The following UBXN10 variants were observed in gnomAD, a reference collection of about 807,000 sequenced individuals.
UBXN10 encodes UBX domain protein 10, also known as UBX domain-containing protein 10.
A neutral mutation model predicts 6.9 loss-of-function variants in UBXN10; 6 were observed. That is an observed-to-expected ratio of 0.87 (90% CI 0.48 to 1.72). The LOEUF is 1.72. UBXN10 is among the 40% of genes most tolerant of loss of function. The pLI, the probability that UBXN10 is intolerant of heterozygous loss-of-function variation, is 0.01. For synonymous variants in UBXN10, 131 were observed against 135.2 expected (o/e 0.97, Z 0.21); for missense variants, 317 against 348.4 (o/e 0.91, Z 0.72).
upstream of UBXN10, chr1:20,184,441 T>C (rs2018331530): frequency 6.6e-6 from 1 of 152,218 alleles, no homozygotes; most frequent in Non-Finnish European, 1.5e-5. Flanking sequence ...CTTTTACACA[T>C]TCCGAGGGCC....
Position 20,191,706 on chromosome 1 carries a change from C to T in UBXN10, c.*302C>T. 2.9e-6 allele frequency: 1 copy of T among 338,986 alleles called. No homozygotes were observed. Among genetic ancestry groups the T allele is most frequent in the Non-Finnish European group, 5.7e-6 (1 of 176,918 alleles). 21.0% of individuals were successfully genotyped at this position (338,986 alleles called of 1,614,324 possible). A position where few individuals can be genotyped will look rare whatever the true frequency, so the allele number is the denominator to read the frequency against. On this transcript the variant is annotated 3_prime_UTR_variant, in exon 2 of 2. Transcript: ENST00000375099. This position sits in a 1 kb window ranked among gnomAD's most constrained non-coding sequence, Gnocchi z 4.5. ...CTCCTTTCCAGAGTTTTGGGTCCTT[C>T]TGAATTAATGGTCCTTTTCGAACAC...
rs954213042 is a variant in UBXN10 at position 20,192,958 on chromosome 1, T to C, written c.*1554T>C. The C allele has an allele frequency of 1.8e-5, 3 of 167,140 alleles. No homozygotes were observed. Among genetic ancestry groups the C allele is most frequent in the African/African-American group, 7.2e-5 (3 of 41,484 alleles). The allele number at this position is 167,140 out of a possible 1,614,324, so 10.4% of individuals were successfully genotyped here. A position where few individuals can be genotyped will look rare whatever the true frequency, so the allele number is the denominator to read the frequency against. Reference sequence around the variant, plus strand: ...AGATCATTCTAGAATAGGTTATTTCTGAATGTTTTATAGAATTTCTTAATA... The same window carrying C: ...AGATCATTCTAGAATAGGTTATTTCCGAATGTTTTATAGAATTTCTTAATA... On this transcript the variant is annotated 3_prime_UTR_variant, in exon 2 of 2. Transcript: ENST00000375099.
chr1:20,194,307 C>G lies in UBXN10; in HGVS notation c.*2903C>G, dbSNP rs772852524. Reference sequence around the variant, plus strand: ...AAATTAGTCTTGGCAGCAGAAGGAACAGCAGGAGAAGTAAGTGATTCATCA... The same window carrying G: ...AAATTAGTCTTGGCAGCAGAAGGAAGAGCAGGAGAAGTAAGTGATTCATCA... On this transcript the variant is annotated 3_prime_UTR_variant, in exon 2 of 2. Coordinates refer to ENST00000375099, the MANE Select transcript of UBXN10 (RefSeq NM_152376.5). 1 of 167,130 alleles carries G rather than the reference C, an allele frequency of 6.0e-6. No homozygotes were observed. The highest frequency in any genetic ancestry group is 1.5e-5 in the Non-Finnish European group (1 of 68,148). 10.4% of individuals were successfully genotyped at this position (167,130 alleles called of 1,614,324 possible).
rs904991637 is a variant in UBXN10 at position 20,191,570 on chromosome 1, C to G, written c.*166C>G. 1.2e-5 allele frequency: 13 copies of G among 1,107,276 alleles called. No individual in the cohort carries two copies. The highest frequency in any genetic ancestry group is 1.6e-5 in the Non-Finnish European group (13 of 790,132). The allele number at this position is 1,107,276 out of a possible 1,614,324, so 68.6% of individuals were successfully genotyped here. On this transcript the variant is annotated 3_prime_UTR_variant, in exon 2 of 2. Transcript: ENST00000375099. The surrounding 1 kb of genome is among the most constrained non-coding windows in gnomAD (Gnocchi z 4.5). ...GTCCTCTGAAGCAGTGAAGTCTGTGCCTATGCCGAGCGCGCTAAGAAGTCT... is the reference window on the plus strand; with the variant it reads ...GTCCTCTGAAGCAGTGAAGTCTGTGGCTATGCCGAGCGCGCTAAGAAGTCT...
chr1:20,191,809 T>TG lies in UBXN10; in HGVS notation c.*405_*406insG. ...CTGTATTTGATGCAGGATTAAACAC[T>TG]TCCCAGAGAGGATTCTAGTCTGGTA... On this transcript the variant is annotated 3_prime_UTR_variant, in exon 2 of 2. Coordinates refer to ENST00000375099, the MANE Select transcript of UBXN10 (RefSeq NM_152376.5). This position sits in a 1 kb window ranked among gnomAD's most constrained non-coding sequence, Gnocchi z 4.5. 1 of 192,956 alleles carries TG rather than the reference T, an allele frequency of 5.2e-6. No individual in the cohort carries two copies. Among genetic ancestry groups the TG allele is most frequent in the Non-Finnish European group, 1.2e-5 (1 of 83,188 alleles). The allele number at this position is 192,956 out of a possible 1,614,324, so 12.0% of individuals were successfully genotyped here.
In UBXN10 at chr1:20,193,391, T is replaced by A. The variant is rs1229050090; in HGVS notation, c.*1987T>A. ...TGGGGTTGGGAAAAAGTGGAAGGCATAAGCATAGAAATATTTTAGGATATT... is the reference window on the plus strand; with the variant it reads ...TGGGGTTGGGAAAAAGTGGAAGGCAAAAGCATAGAAATATTTTAGGATATT... On this transcript the variant is annotated 3_prime_UTR_variant, in exon 2 of 2. Transcript: ENST00000375099. 6.0e-6 allele frequency: 1 copy of A among 167,076 alleles called. No homozygotes were observed. Among genetic ancestry groups the A allele is most frequent in the Non-Finnish European group, 1.5e-5 (1 of 68,124 alleles). The allele number at this position is 167,076 out of a possible 1,614,324, so 10.3% of individuals were successfully genotyped here.
In UBXN10 at chr1:20,191,507, T is replaced by G; in HGVS notation, c.*103T>G. On this transcript the variant is annotated 3_prime_UTR_variant, in exon 2 of 2. Coordinates refer to ENST00000375099, the MANE Select transcript of UBXN10 (RefSeq NM_152376.5). This position sits in a 1 kb window ranked among gnomAD's most constrained non-coding sequence, Gnocchi z 4.5. ...TGTTTCAAGTGCCATGTGGACCTGG[T>G]GCAGCTGGGAAGCTTGGGACTCTCG... 6.6e-7 allele frequency: 1 copy of G among 1,513,600 alleles called. No individual in the cohort carries two copies. Among genetic ancestry groups the G allele is most frequent in the Middle Eastern group, 2.0e-4 (1 of 5,026 alleles). 93.8% of individuals were successfully genotyped at this position (1,513,600 alleles called of 1,614,324 possible).
rs555439034 is a variant in UBXN10, at chr1:20,190,533, T to C, written c.-15-14T>C. The C allele has an allele frequency of 3.3e-5, 53 of 1,586,150 alleles. No individual in the cohort carries two copies. Among genetic ancestry groups the C allele is most frequent in the Non-Finnish European group, 4.5e-5 (52 of 1,163,410 alleles). On this transcript the variant is annotated splice_polypyrimidine_tract_variant and intron_variant, in intron 1 of 1. Coordinates refer to ENST00000375099, the MANE Select transcript of UBXN10 (RefSeq NM_152376.5). ...TTTAACCCACGGACTCCTGTTTTTTTCCTGCTTCCTTAGGGGTCTTGAGAA... is the reference window on the plus strand; with the variant it reads ...TTTAACCCACGGACTCCTGTTTTTTCCCTGCTTCCTTAGGGGTCTTGAGAA...
chr1:20,184,225 AC>A (rs2018326485), upstream of UBXN10: 2 of 152,352 alleles, frequency 1.3e-5, no homozygotes, highest in Non-Finnish European at 2.9e-5. Flanking sequence ...ACACACACAC[AC>A]ACGGTGAGAA....
Sources: allele counts gnomAD v4.1 joint callset, GRCh38; gene constraint gnomAD v4.1.1; non-coding constraint Gnocchi (gnomAD v3.1); transcripts MANE v1.5; gene names NCBI Gene and HGNC (gene_info 2026-07-23, HGNC 2026-07-21).